ACACA: variants seen among roughly 807,000 people sequenced by gnomAD.
ACACA encodes acetyl-CoA carboxylase alpha, also known as acetyl-CoA carboxylase 1.
ACACA carries 103 observed loss-of-function variants against 296.1 expected under a neutral mutation model. The observed-to-expected ratio is 0.35, with a 90% confidence interval of 0.30 to 0.41. The LOEUF (loss-of-function observed/expected upper bound fraction) is 0.41. Among genes scored for constraint, ACACA ranks in the 10% least tolerant of loss-of-function variants. ACACA has a pLI of 1.00. For missense variants in ACACA, 1,554 were observed against 2,989.7 expected, an observed-to-expected ratio of 0.52 and a Z score of 11.20; for synonymous variants, 953 against 1,038.6, an observed-to-expected ratio of 0.92 and a Z score of 1.58.
chr17:37,360,097 A>G (rs1469705104), intron 1 of ACACA: 2 of 152,090 alleles, frequency 1.3e-5, no homozygotes, highest in Non-Finnish European at 2.9e-5. Context: ...CAAGACTTTC[A>G]TGGTAGCTGT....
intron 16 of ACACA, among the ~76,000 whole-genome samples, chr17:37,250,899 T>C (rs1015104703): frequency 6.6e-6 from 1 of 151,722 alleles, no homozygotes; most frequent in Non-Finnish European, 1.5e-5. Context: ...TGGTGGCAGG[T>C]GCCTGTAGTC....
rs1031389882 is a variant in ACACA at position 37,404,285 on chromosome 17, G to C, written c.38+1977C>G. On this transcript the variant is annotated intron_variant, in intron 1 of 55. Transcript: ENST00000616317. The stretch of plus-strand genomic sequence containing the variant: ...CCCCACTTCCACTATGTGAAGTTGA[G>C]AGTGGTTGTAAAGCTGTACAGCTAT... 5.9e-5 allele frequency among the ~76,000 whole-genome samples: 9 copies of C among 152,302 alleles called. 1 individual carries two copies. In the East Asian group the frequency reaches 1.7e-3, roughly 29 times the overall value.
At chr17:37,334,160 C>G (rs2048007022) in intron 2 of ACACA, among the ~76,000 whole-genome samples, 1 of 152,050 alleles carries the variant, frequency 6.6e-6, no homozygotes, top group Non-Finnish European at 1.5e-5. Context: ...CCTCGCATGG[C>G]CTGCTCTGTT....
intron 10 of ACACA, 74 bp from the exon 11 acceptor site, chr17:37,263,968 T>G: frequency 7.9e-7 from 1 of 1,263,394 alleles, no homozygotes; most frequent in Non-Finnish European, 1.1e-6. Flanking sequence ...ATAAGCTACT[T>G]TGATTTCAAC....
intron 45 of ACACA, among the ~76,000 whole-genome samples, chr17:37,131,811 T>C (rs1209170445): frequency 1.3e-5 from 2 of 152,194 alleles, no homozygotes; most frequent in African/African-American, 2.4e-5. Context: ...GAAAGCAAAA[T>C]TGCTCTCAGA....
At chr17:37,346,447 A>C (rs2048623769) in intron 1 of ACACA, among the ~76,000 whole-genome samples, 2 of 152,100 alleles carry the variant, frequency 1.3e-5, no homozygotes, top group African/African-American at 4.8e-5. Context: ...CACTCCTGTA[A>C]TCCCAGCACT....
At chr17:37,212,485 T>A in intron 29 of ACACA, among the ~76,000 whole-genome samples, 1 of 152,080 alleles carries the variant, frequency 6.6e-6, no homozygotes, top group African/African-American at 2.4e-5. Context: ...TGGTCCCAAA[T>A]CAATCATGTA....
chr17:37,336,054 C>T (rs1489595309), intron 2 of ACACA, among the ~76,000 whole-genome samples: 1 of 152,124 alleles, frequency 6.6e-6, no homozygotes, highest in East Asian at 1.9e-4. Flanking sequence ...TATTGTTACT[C>T]CTCTTTGGAC....
At position 37,122,534 on chromosome 17, in the gene ACACA, G is replaced by A. The variant is rs1373422185; in HGVS notation, c.6135C>T (p.Ala2045=). ...CAGTGTACTTGAGGTGGCCTACCTT[G>A]GCTTCAGAATCCAGGTTTGCTGGAT... is the stretch of plus-strand genomic sequence containing the variant. ...PADPANLDSE[A]KIIQQAGQVW... is the part of the protein sequence containing the mutation. Residue 2045 remains alanine (A), a synonymous_variant, in exon 49 of 56, where the codon GCC becomes GCT. Coordinates refer to ENST00000616317, the MANE Select transcript of ACACA (RefSeq NM_198834.3). 8 of 1,613,928 alleles carry A rather than the reference G, an allele frequency of 5.0e-6. No individual in the cohort carries two copies. The highest frequency in any genetic ancestry group is 1.7e-6 in the Non-Finnish European group (2 of 1,179,956).
At position 37,181,264 on chromosome 17, in the gene ACACA, CTT is replaced by C; in HGVS notation, c.4867_4868del (p.Lys1623GlufsTer14). ...PYVTKDLLQSKRFQAQSLGTT... is the reference protein window; with the variant it reads ...PYVTKDLLQSXRFQAQSLGTT... ...TCCCTAAGGATTGTGCCTGGAACCTCTTTGATTGCAGCAGGTCTTTGGTCACA... is the reference window on the plus strand; with the variant it reads ...TCCCTAAGGATTGTGCCTGGAACCTCTGATTGCAGCAGGTCTTTGGTCACA... On this transcript the variant is annotated frameshift_variant, in exon 40 of 56. Coordinates refer to ENST00000616317, the MANE Select transcript of ACACA (RefSeq NM_198834.3). LOFTEE classifies it high-confidence loss of function. The C allele has an allele frequency of 6.2e-7, 1 of 1,614,076 alleles. No individual in the cohort carries two copies. The highest frequency in any genetic ancestry group is 8.5e-7 in the Non-Finnish European group (1 of 1,179,986).
intron 15 of ACACA, among the ~76,000 whole-genome samples, chr17:37,252,639 A>G (rs1230617843): frequency 6.6e-6 from 1 of 152,200 alleles, no homozygotes; most frequent in Non-Finnish European, 1.5e-5. Flanking sequence ...AAGAAAAAGA[A>G]AGTAATTAAA....
chr17:37,130,436 G>A (rs1027870958), intron 45 of ACACA, among the ~76,000 whole-genome samples: 1 of 152,010 alleles, frequency 6.6e-6, no homozygotes, highest in Non-Finnish European at 1.5e-5. Flanking sequence ...GCGCTAAGAG[G>A]GCTTACTATA....
intron 16 of ACACA, among the ~76,000 whole-genome samples, chr17:37,250,466 C>T (rs185388088): frequency 3.3e-5 from 5 of 150,080 alleles, no homozygotes; most frequent in African/African-American, 9.8e-5. Context: ...GTTGAAACTC[C>T]GTCTCTACTA....
chr17:37,152,308 G>A (rs2144172151), intron 43 of ACACA, among the ~76,000 whole-genome samples: 1 of 152,270 alleles, frequency 6.6e-6, no homozygotes. Flanking sequence ...TTAAAAGCAA[G>A]GTCAATGTAT....
chr17:37,391,812 T>C, intron 1 of ACACA: 1 of 1,160,704 alleles, frequency 8.6e-7, no homozygotes, highest in Admixed American at 1.7e-5. Flanking sequence ...TTCACACTTG[T>C]ATCTTCAGCA....
chr17:37,149,485 C>T (rs984407489), intron 45 of ACACA, among the ~76,000 whole-genome samples: 1 of 152,110 alleles, frequency 6.6e-6, no homozygotes, highest in African/African-American at 2.4e-5. Flanking sequence ...ACATCTTTTA[C>T]TAATAGATTA....
At chr17:37,352,800 A>C (rs550438991) in intron 1 of ACACA, among the ~76,000 whole-genome samples, 1 of 152,076 alleles carries the variant, frequency 6.6e-6, no homozygotes, top group Non-Finnish European at 1.5e-5. Context: ...AGTCCTACGG[A>C]TGTGTTAAGG....
chr17:37,389,226 C>T (rs2050681337), intron 1 of ACACA: 1 of 1,561,974 alleles, frequency 6.4e-7, no homozygotes, highest in East Asian at 2.4e-5. Flanking sequence ...ATATTAATAC[C>T]AGTCATTTTC....
chr17:37,297,304 A>G lies in ACACA; in HGVS notation c.339-12334T>C, dbSNP rs1407385971. Among the ~76,000 whole-genome samples the G allele has an allele frequency of 2.0e-5, 3 of 151,056 alleles. No homozygotes were observed. In the East Asian group the frequency reaches 6.2e-4, roughly 31 times the overall value. On this transcript the variant is annotated intron_variant, in intron 3 of 55. Coordinates refer to ENST00000616317, the MANE Select transcript of ACACA (RefSeq NM_198834.3). ...TAAAAATACAAAATTAGCGGGGCAT[A>G]GTGGTGCATGCCTGTAATCCCAGCT...
Sources: gnomAD v4.1 joint callset for allele counts (sites outside exome capture counted in the v4.1 genomes callset) on GRCh38, gnomAD v4.1.1 for gene constraint, MANE v1.5 for transcripts, NCBI Gene and HGNC (gene_info 2026-07-23, HGNC 2026-07-21) for gene names.